The following PLEC variants were observed in gnomAD, a reference collection of about 807,000 sequenced individuals.
PLEC encodes the protein plectin, also known as hemidesmosomal protein 1.
PLEC carries 216 observed loss-of-function variants against 392.8 expected under a neutral mutation model. The ratio of observed to expected loss-of-function variants is 0.55; its 90% CI spans 0.49 to 0.62. The LOEUF (loss-of-function observed/expected upper bound fraction) is 0.62, where lower values mean the gene tolerates loss of function less well. Ranked by LOEUF, PLEC falls within the 20% of genes least tolerant of loss-of-function variation. The probability of loss-of-function intolerance (pLI) is 0.00; values close to 1 mark genes in which losing one functional copy is unlikely to be tolerated. For synonymous variants in PLEC, 3,621 were observed against 2,980.6 expected (o/e 1.21, Z -7.00); for missense variants, 6,863 against 6,563.4 (o/e 1.05, Z -1.58).
In PLEC at chr8:143,933,779, G is replaced by A. The variant is rs6989119; in HGVS notation, c.1263+219C>T. On this transcript the variant is annotated intron_variant, in intron 12 of 31. Coordinates refer to ENST00000345136, the MANE Select transcript of PLEC (RefSeq NM_201384.3). The stretch of plus-strand genomic sequence containing the variant: ...GGCAGCCCAGCGTGGGTTCTGCCCC[G>A]TGGCCAGAAACCAACTCTGCCCAAA... Among the ~76,000 whole-genome samples the A allele has an allele frequency of 0.29, 44,596 of 152,178 alleles. 7,857 individuals carry two copies. The highest frequency in any genetic ancestry group is 0.39 in the Non-Finnish European group (26,578 of 67,958).
At position 143,924,077 on chromosome 8, in the gene PLEC, A is replaced by C. The variant is rs1823982587; in HGVS notation, c.5852T>G (p.Ile1951Ser). 1 of 1,597,594 alleles carries C rather than the reference A, an allele frequency of 6.3e-7. No homozygotes were observed. Among genetic ancestry groups the C allele is most frequent in the Non-Finnish European group, 8.5e-7 (1 of 1,179,156 alleles). Residue 1951 changes from isoleucine (I) to serine (S), a missense_variant, in exon 31 of 32, where the codon ATC becomes AGC. Transcript: ENST00000345136. ...CAGCGTGTCCTCCGCGTTGCTGCGG[A>C]TGCGTCCCAGCTCCAGCTCCAGCTC... ...KAELELELGR[I>S]RSNAEDTLRS...
chr8:143,933,911 A>G (rs1233606716), intron 12 of PLEC, 87 bp downstream of exon 12: 9 of 1,156,216 alleles, frequency 7.8e-6, no homozygotes, highest in Non-Finnish European at 1.1e-5. Context: ...GCCCAGGGGG[A>G]CAGCCCCCTC....
intron 1 of PLEC, among the ~76,000 whole-genome samples, chr8:143,966,475 C>T (rs1833097970): frequency 6.6e-6 from 1 of 152,250 alleles, no homozygotes; most frequent in African/African-American, 2.4e-5. Flanking sequence ...GGCACATCCT[C>T]TCCACCCCAG....
At chr8:143,937,879 A>G in intron 3 of PLEC, 2 of 633,464 alleles carry the variant, frequency 3.2e-6, no homozygotes. Flanking sequence ...GCATGAGGTT[A>G]CTGTGTCCCG....
chr8:143,965,912 G>A (rs146164834), intron 1 of PLEC, among the ~76,000 whole-genome samples: 1,929 of 152,222 alleles, frequency 0.013, 22 homozygotes, highest in South Asian at 0.024. Context: ...CAGGGAACTC[G>A]GGCCAGCATC....
In PLEC at chr8:143,969,164, C is replaced by A. The variant is rs561660762; in HGVS notation, c.70+4239G>T. 5.3e-5 allele frequency among the ~76,000 whole-genome samples: 8 copies of A among 152,330 alleles called. No individual in the cohort carries two copies. The highest frequency in any genetic ancestry group is 1.4e-4 in the African/African-American group (6 of 41,572). ...AAGTGGGCACTTCCACACCACGGAA[C>A]CGACTCCAGCGGGGGGAGGGTGAGG... On this transcript the variant is annotated intron_variant, in intron 1 of 31. Transcript: ENST00000356346. The surrounding 1 kb of genome is among the most constrained non-coding windows in gnomAD (Gnocchi z 5.1).
rs572122849 is a variant in PLEC, at chr8:143,932,019, G to A, written c.2096C>T (p.Ala699Val). ...CATCCAGCTCCACTGCGTCTGCAGG[G>A]CCGCCTGGAAGGACTGCGGGACAGC... The part of the protein sequence containing the change: ...ARPTVESFQA[A>V]LQTQWSWMLQ... Residue 699 changes from alanine to valine, a missense_variant, in exon 18 of 32, where the codon GCC becomes GTC. By Grantham distance (64) the Ala-to-Val change is moderately conservative. Coordinates refer to ENST00000345136, the MANE Select transcript of PLEC (RefSeq NM_201384.3). The A allele has an allele frequency of 1.6e-5, 25 of 1,602,210 alleles. No individual in the cohort carries two copies. The South Asian group carries it at 2.0e-4, about 13-fold the overall frequency.
chr8:143,929,891 C>T (rs782734326), intron 22 of PLEC, 45 bp downstream of exon 22: 7 of 1,603,478 alleles, frequency 4.4e-6, no homozygotes, highest in African/African-American at 1.3e-5. Flanking sequence ...CAACGCCTCT[C>T]CCCTCCTCCC....
chr8:143,935,736 T>G lies in PLEC; in HGVS notation c.602+112A>C, dbSNP rs545048672. On this transcript the variant is annotated intron_variant, in intron 6 of 31. Coordinates refer to ENST00000345136, the MANE Select transcript of PLEC (RefSeq NM_201384.3). ...CCACCCCGAGGCGGCCAGCTGGCAC[T>G]CATCCCTGTTCCTCCTGCCCTCCTC... 8.6e-5 allele frequency: 104 copies of G among 1,209,028 alleles called. 1 individual carries two copies. The East Asian group carries it at 2.6e-3, about 30-fold the overall frequency. 74.9% of individuals were successfully genotyped at this position (1,209,028 alleles called of 1,614,324 possible).
chr8:143,934,224 T>TC, intron 11 of PLEC, 94 bp downstream of exon 11: 1 of 1,593,386 alleles, frequency 6.3e-7, no homozygotes, highest in Non-Finnish European at 8.6e-7. Flanking sequence ...GAGCTTGGGT[T>TC]CCCCCGCCGG....
upstream of PLEC, among the ~76,000 whole-genome samples, chr8:143,940,759 C>T (rs569263534): frequency 6.6e-6 from 1 of 152,168 alleles, no homozygotes; most frequent in Non-Finnish European, 1.5e-5. Context: ...CGTGAGGGGG[C>T]ACCAGAACCC....
chr8:143,951,167 G>A (rs186120316), upstream of PLEC, among the ~76,000 whole-genome samples: 119 of 152,072 alleles, frequency 7.8e-4, 1 homozygote, highest in African/African-American at 2.8e-3. Context: ...GGCAAGTGGG[G>A]GCGGATATAG....
chr8:143,951,800 A>G (rs1832172952), upstream of PLEC, among the ~76,000 whole-genome samples: 1 of 152,136 alleles, frequency 6.6e-6, no homozygotes, highest in African/African-American at 2.4e-5. Context: ...CCAGGGCCCA[A>G]GGGAAGGGAA....
upstream of PLEC, chr8:143,973,656 G>A (rs1271141271): frequency 1.5e-5 from 7 of 460,756 alleles, no homozygotes; most frequent in African/African-American, 4.2e-5. This position sits in a 1 kb window ranked among gnomAD's most constrained non-coding sequence, Gnocchi z 5.6. Flanking sequence ...AGGGAGCCGC[G>A]TCTGGGCCCC....
At chr8:143,964,760 G>C (rs1471752451) in intron 1 of PLEC, among the ~76,000 whole-genome samples, 1 of 152,158 alleles carries the variant, frequency 6.6e-6, no homozygotes, top group South Asian at 2.1e-4. Context: ...GTCCAGCTGT[G>C]TCTCTTAGGC....
Position 143,917,802 on chromosome 8 carries a change from C to A in PLEC, c.12019G>T (p.Ala4007Ser), listed in dbSNP as rs782207518. 1 of 1,613,480 alleles carries A rather than the reference C, an allele frequency of 6.2e-7. No individual in the cohort carries two copies. Among genetic ancestry groups the A allele is most frequent in the South Asian group, 1.1e-5 (1 of 91,082 alleles). The change falls in exon 32 of 32, where the codon GCC (alanine) becomes TCC (serine). Residue 4007 changes from alanine to serine, a missense_variant. By Grantham distance (99) the Ala-to-Ser change is moderately conservative (BLOSUM62 1). Transcript: ENST00000345136. ...TTGTACCCAGTGACGGCGCGCTCGG[C>A]CGACAGCAGCTTGTCCTTGAACTCG... ...GPEFKDKLLS[A>S]ERAVTGYKDP...
In PLEC at chr8:143,973,393, G is replaced by C; in HGVS notation, c.70+10C>G. 6.4e-7 allele frequency: 1 copy of C among 1,559,954 alleles called. No individual in the cohort carries two copies. Among genetic ancestry groups the C allele is most frequent in the Non-Finnish European group, 8.7e-7 (1 of 1,153,194 alleles). ...AGCGGCCCGACAGGCAGCGGGACGG[G>C]GGGCCGTACCTTTGTACTTCTCGCG... On this transcript the variant is annotated intron_variant, in intron 1 of 31. Transcript: ENST00000356346. This position sits in a 1 kb window ranked among gnomAD's most constrained non-coding sequence, Gnocchi z 5.6.
rs782723953 is a variant in PLEC at position 143,932,576 on chromosome 8, G to C, written c.1816-15C>G. 3 of 1,612,428 alleles carry C rather than the reference G, an allele frequency of 1.9e-6. No homozygotes were observed. Among genetic ancestry groups the C allele is most frequent in the Non-Finnish European group, 2.5e-6 (3 of 1,179,908 alleles). On this transcript the variant is annotated splice_polypyrimidine_tract_variant and intron_variant, in intron 15 of 31. Transcript: ENST00000345136. ...TTGGAGGAGTTCTGTGGGCAGGAGGGTGCGTGTCAGCAGGCCGCGGGCTAC... is the reference window on the plus strand; with the variant it reads ...TTGGAGGAGTTCTGTGGGCAGGAGGCTGCGTGTCAGCAGGCCGCGGGCTAC...
intron 1 of PLEC, among the ~76,000 whole-genome samples, chr8:143,961,356 G>A (rs1335775101): frequency 1.3e-5 from 2 of 152,090 alleles, no homozygotes; most frequent in African/African-American, 4.8e-5. Context: ...CTCCTGCGTA[G>A]CGGGGATTAC....
Sources: gnomAD v4.1 joint callset for allele counts (sites outside exome capture counted in the v4.1 genomes callset) on GRCh38, gnomAD v4.1.1 for gene constraint, Gnocchi (gnomAD v3.1) non-coding constraint, MANE v1.5 for transcripts, NCBI Gene and HGNC (gene_info 2026-07-23, HGNC 2026-07-21) for gene names.